Variants in LARP1 observed in about 807,000 individuals in gnomAD.
LARP1 encodes la-related protein 1.
A neutral mutation model predicts 122.7 loss-of-function variants in LARP1; 36 were observed. That is an observed-to-expected ratio of 0.29 (90% CI 0.22 to 0.39). The LOEUF (loss-of-function observed/expected upper bound fraction) is 0.39. Ranked by LOEUF, LARP1 falls within the 10% of genes least tolerant of loss-of-function variation. LARP1 has a pLI of 1.00. For synonymous variants in LARP1, 539 were observed against 528.7 expected, an observed-to-expected ratio of 1.02 and a Z score of -0.27; for missense variants, 1,040 against 1,403.6, an observed-to-expected ratio of 0.74 and a Z score of 4.14.
At chr5:154,691,573 C>T (rs1308517518) in intron 1 of LARP1, among the ~76,000 whole-genome samples, 1 of 152,154 alleles carries the variant, frequency 6.6e-6, no homozygotes, top group African/African-American at 2.4e-5. Flanking sequence ...TGAAAAGGCT[C>T]CGGGATCCTG....
intron 1 of LARP1, among the ~76,000 whole-genome samples, chr5:154,686,866 A>G (rs756954998): frequency 6.6e-6 from 1 of 152,244 alleles, no homozygotes. Flanking sequence ...TCACTGTCCA[A>G]GTATCCCTTG....
chr5:154,783,891 G>C (rs970257150), intron 1 of LARP1, among the ~76,000 whole-genome samples: 1 of 152,190 alleles, frequency 6.6e-6, no homozygotes, highest in African/African-American at 2.4e-5. Context: ...CCCAATATTA[G>C]TAAGGAGGGT....
At chr5:154,790,180 T>C (rs770116427) in intron 1 of LARP1, 145 bp from the exon 2 acceptor site, 1 of 608,880 alleles carries the variant, frequency 1.6e-6, no homozygotes, top group Non-Finnish European at 2.9e-6. Context: ...TTTGAGCACG[T>C]GTCTTTCCCC....
intron 1 of LARP1, among the ~76,000 whole-genome samples, chr5:154,767,150 C>A (rs1755018972): frequency 1.3e-5 from 2 of 152,234 alleles, no homozygotes; most frequent in African/African-American, 4.8e-5. Flanking sequence ...CATTTACCCA[C>A]TGAGTGCCCT....
intron 8 of LARP1, among the ~76,000 whole-genome samples, chr5:154,796,121 T>TTTATATATTA (rs1757812690): frequency 9.6e-6 from 1 of 104,246 alleles, no homozygotes; most frequent in Non-Finnish European, 1.8e-5. Flanking sequence ...AGTATATATA[T>TTTATATATTA]TATATATATT....
intron 1 of LARP1, among the ~76,000 whole-genome samples, chr5:154,769,622 G>T (rs192119611): frequency 6.6e-6 from 1 of 152,198 alleles, no homozygotes; most frequent in African/African-American, 2.4e-5. Context: ...TAAGGGATGG[G>T]CTTGCCAGGT....
chr5:154,763,804 G>C (rs1036553277), intron 1 of LARP1, among the ~76,000 whole-genome samples: 14 of 151,570 alleles, frequency 9.2e-5, no homozygotes, highest in African/African-American at 3.2e-4. Flanking sequence ...CTGGAAGTTT[G>C]AGACCAGTCT....
At chr5:154,750,658 G>T (rs754626313), upstream of LARP1, among the ~76,000 whole-genome samples, 9 of 151,904 alleles carry the variant, frequency 5.9e-5, no homozygotes, top group African/African-American at 1.9e-4. Flanking sequence ...CCCAGGCTAG[G>T]GTGCAGTGAT....
rs1758482077 is a variant in LARP1, at chr5:154,803,199, T to C, written c.2110-91T>C. On this transcript the variant is annotated intron_variant, in intron 11 of 18. Coordinates refer to ENST00000518297, the MANE Select transcript of LARP1 (RefSeq NM_033551.3). This position sits in a 1 kb window ranked among gnomAD's most constrained non-coding sequence, Gnocchi z 4.4. ...ACGTATGTCGACGTGGGAGCTGCCCTCTCCAACTTCCTGCCAGTCTTGATT... is the reference window on the plus strand; with the variant it reads ...ACGTATGTCGACGTGGGAGCTGCCCCCTCCAACTTCCTGCCAGTCTTGATT... The C allele has an allele frequency of 1.9e-5, 29 of 1,556,264 alleles. No individual in the cohort carries two copies. The highest frequency in any genetic ancestry group is 2.5e-5 in the Non-Finnish European group (28 of 1,132,324).
In LARP1 at chr5:154,804,228, A is replaced by G. The variant is rs1413914674; in HGVS notation, c.2467A>G (p.Ser823Gly). 3 of 1,614,062 alleles carry G rather than the reference A, an allele frequency of 1.9e-6. No individual in the cohort carries two copies. Among genetic ancestry groups the G allele is most frequent in the Admixed American group, 3.3e-5 (2 of 60,012 alleles). The change falls in exon 14 of 19, where the codon AGT becomes GGT. Residue 823 changes from serine (S) to glycine (G), a missense_variant. Physicochemically the swap from Ser to Gly is moderately conservative, Grantham distance 56. This residue lies in a region of LARP1 where 18 missense variants were observed against 60.2 expected (regional missense o/e 0.30). Coordinates refer to ENST00000518297, the MANE Select transcript of LARP1 (RefSeq NM_033551.3). ...GCCTCGAAAAAGAAAGACAAGACAC[A>G]GTTCAAACCCACCCTTGGAGAGCCA... is the stretch of plus-strand genomic sequence containing the variant. Reference protein sequence around the residue: ...KMPRKRKTRHSSNPPLESHVG... With the variant: ...KMPRKRKTRHGSNPPLESHVG...
intron 1 of LARP1, among the ~76,000 whole-genome samples, chr5:154,684,348 A>C (rs1427610535): frequency 6.6e-6 from 1 of 152,022 alleles, no homozygotes; most frequent in African/African-American, 2.4e-5. Context: ...AGGCAGGAGG[A>C]TCCCTTGAAC....
intron 1 of LARP1, among the ~76,000 whole-genome samples, chr5:154,786,078 T>C (rs1243753049): frequency 6.6e-6 from 1 of 152,156 alleles, no homozygotes; most frequent in Non-Finnish European, 1.5e-5. Flanking sequence ...GTTTCACTCT[T>C]GTCACCCAAG....
At chr5:154,760,389 T>G (rs1237820438) in intron 1 of LARP1, among the ~76,000 whole-genome samples, 1 of 152,186 alleles carries the variant, frequency 6.6e-6, no homozygotes, top group African/African-American at 2.4e-5. Flanking sequence ...TCAAAAATTT[T>G]TTTCTAAAAC....
At chr5:154,745,789 C>T (rs1753155678) in intron 1 of LARP1, among the ~76,000 whole-genome samples, 1 of 151,556 alleles carries the variant, frequency 6.6e-6, no homozygotes, top group Non-Finnish European at 1.5e-5. Flanking sequence ...GGCCTAAACC[C>T]AACTGTTTTT....
rs1759559935 is a variant in LARP1 at position 154,814,862 on chromosome 5, A to G, written c.*766A>G. On this transcript the variant is annotated 3_prime_UTR_variant, in exon 19 of 19. Transcript: ENST00000518297. ...CTTTCCATCCTTGAAAAAATGGGGA[A>G]AAAAGAAGAAAAAAGACAAAATCGA... 1 of 152,284 alleles carries G rather than the reference A, an allele frequency of 6.6e-6. No individual in the cohort carries two copies. Among genetic ancestry groups the G allele is most frequent in the South Asian group, 2.1e-4 (1 of 4,830 alleles). The allele number at this position is 152,284 out of a possible 1,614,324, so 9.4% of individuals were successfully genotyped here.
At chr5:154,790,562 A>C in intron 2 of LARP1, 83 bp from the exon 3 acceptor site, 1 of 1,493,228 alleles carries the variant, frequency 6.7e-7, no homozygotes, top group East Asian at 2.3e-5. Context: ...TTGGCCTCTG[A>C]TCTCTTGGTG....
chr5:154,696,786 A>G (rs1754487829), intron 1 of LARP1, among the ~76,000 whole-genome samples: 1 of 152,228 alleles, frequency 6.6e-6, no homozygotes, highest in African/African-American at 2.4e-5. Context: ...GAAGAGGTTT[A>G]CTTGCCAAAG....
chr5:154,692,763 G>A (rs935393263), intron 1 of LARP1, among the ~76,000 whole-genome samples: 4 of 152,252 alleles, frequency 2.6e-5, no homozygotes, highest in Admixed American at 6.5e-5. Flanking sequence ...GCTGGGGCAC[G>A]AAATATAATT....
intron 1 of LARP1, among the ~76,000 whole-genome samples, chr5:154,700,874 T>A (rs905380970): frequency 6.6e-6 from 1 of 152,066 alleles, no homozygotes; most frequent in Non-Finnish European, 1.5e-5. Context: ...GGAGAATCGC[T>A]TGAACCCAGG....
Sources: gnomAD v4.1 joint callset for allele counts (sites outside exome capture counted in the v4.1 genomes callset) on GRCh38, gnomAD v4.1.1 for gene constraint, gnomAD v4.1.1 regional missense constraint, Gnocchi (gnomAD v3.1) non-coding constraint, MANE v1.5 for transcripts, NCBI Gene and HGNC (gene_info 2026-07-23, HGNC 2026-07-21) for gene names.